The following MCRS1 variants were observed in gnomAD, a reference collection of about 807,000 sequenced individuals.
The protein encoded by MCRS1 is microspherule protein 1.
In MCRS1, 22 loss-of-function variants were observed where a neutral mutation model predicts 62.9. The ratio of observed to expected loss-of-function variants is 0.35; its 90% CI spans 0.25 to 0.50. The LOEUF is 0.50. MCRS1 is among the 20% of genes least tolerant of loss of function. MCRS1 has a pLI of 0.98. For missense variants in MCRS1, 456 were observed against 601.1 expected (o/e 0.76, Z 2.52); for synonymous variants, 244 against 233.5 (o/e 1.04, Z -0.41).
chr12:49,566,635 C>T (rs1378459481), intron 2 of MCRS1, 87 bp downstream of exon 2: 31 of 1,591,634 alleles, frequency 1.9e-5, no homozygotes, highest in African/African-American at 2.7e-5. Flanking sequence ...CTAGCCAGGA[C>T]CGAAAGACAC....
At chr12:49,560,001 C>A in intron 9 of MCRS1, 34 bp from the exon 10 acceptor site, 1 of 1,613,920 alleles carries the variant, frequency 6.2e-7, no homozygotes, top group South Asian at 1.1e-5. Context: ...GATTTAGGTC[C>A]ACCTTCAGCT....
At chr12:49,566,530 C>T (rs1396261614) in intron 2 of MCRS1, 192 bp downstream of exon 2, 14 of 1,501,914 alleles carry the variant, frequency 9.3e-6, no homozygotes, top group East Asian at 7.4e-5. Flanking sequence ...AAAATGCAGC[C>T]GTGCTAAAGA....
chr12:49,560,317 G>C lies in MCRS1; in HGVS notation c.859C>G (p.Leu287Val). 1.2e-6 allele frequency: 2 copies of C among 1,614,232 alleles called. No homozygotes were observed. Among genetic ancestry groups the C allele is most frequent in the Non-Finnish European group, 1.7e-6 (2 of 1,180,024 alleles). ...QVLNFSDAEDLIDDSKLKDMR... is the reference protein window; with the variant it reads ...QVLNFSDAEDVIDDSKLKDMR... ...CACTTGAGCTTACTGTCATCAATCAGGTCCTCTGCATCAGAGAAGTTCAGC... is the reference window on the plus strand; with the variant it reads ...CACTTGAGCTTACTGTCATCAATCACGTCCTCTGCATCAGAGAAGTTCAGC... The change falls in exon 9 of 15, where the codon CTG (leucine) becomes GTG (valine). Residue 287 changes from leucine (L) to valine (V), a missense_variant. Transcript: ENST00000343810.
rs1050200588 is a variant in MCRS1 at position 49,566,887 on chromosome 12, G to A, written c.-110-46C>T. The stretch of plus-strand genomic sequence containing the variant: ...TCCCTGAGGCTCAGATTTCCAACTG[G>A]CCAGCCTCACTTCCTTATACTGGCT... On this transcript the variant is annotated intron_variant, in intron 1 of 14. Transcript: ENST00000343810. 1.8e-5 allele frequency: 18 copies of A among 1,007,642 alleles called. No homozygotes were observed. In the Admixed American group the frequency reaches 3.7e-4, roughly 21 times the overall value. The allele number at this position is 1,007,642 out of a possible 1,614,324, so 62.4% of individuals were successfully genotyped here.
chr12:49,565,471 C>T lies in MCRS1; in HGVS notation c.288+58G>A, dbSNP rs563644243. Reference sequence around the variant, plus strand: ...GGGCTCTTGGCAGCTGGCAAAGGTTCTGGGGAAACATGAAATCTGGCACTA... The same window carrying T: ...GGGCTCTTGGCAGCTGGCAAAGGTTTTGGGGAAACATGAAATCTGGCACTA... On this transcript the variant is annotated intron_variant, in intron 4 of 14. Transcript: ENST00000343810. 59 of 1,544,310 alleles carry T rather than the reference C, an allele frequency of 3.8e-5. No homozygotes were observed. In the African/African-American group the frequency reaches 7.3e-4, roughly 19 times the overall value.
chr12:49,567,294 T>C (rs531998150), intron 1 of MCRS1, among the ~76,000 whole-genome samples: 7 of 152,118 alleles, frequency 4.6e-5, no homozygotes, highest in South Asian at 4.2e-4. Flanking sequence ...CGTTTTTTTT[T>C]TGTTTTTCTT....
rs1592521080 is a variant in MCRS1 at position 49,560,112 on chromosome 12, G to A, written c.882-145C>T. 3 of 1,301,736 alleles carry A rather than the reference G, an allele frequency of 2.3e-6. No individual in the cohort carries two copies. The East Asian group carries it at 6.9e-5, about 30-fold the overall frequency. 80.6% of individuals were successfully genotyped at this position (1,301,736 alleles called of 1,614,324 possible). On this transcript the variant is annotated intron_variant, in intron 9 of 14. Transcript: ENST00000343810. Reference sequence around the variant, plus strand: ...TGGCCCAGCCTCCTTCTCTGGGGTTGGGCTGGGGATAAGGGTAAAGCAGCG... The same window carrying A: ...TGGCCCAGCCTCCTTCTCTGGGGTTAGGCTGGGGATAAGGGTAAAGCAGCG...
At position 49,558,332 on chromosome 12, in the gene MCRS1, G is replaced by T. The variant is rs902221260; in HGVS notation, c.*311C>A. 2.5e-6 allele frequency: 1 copy of T among 404,974 alleles called. No individual in the cohort carries two copies. 25.1% of individuals were successfully genotyped at this position (404,974 alleles called of 1,614,324 possible). ...AACCTGGTGCTTTTTATTTACAAAA[G>T]AAAAACAATAAAAGAAGAGTCTGAG... On this transcript the variant is annotated 3_prime_UTR_variant, in exon 15 of 15. Coordinates refer to ENST00000343810, the MANE Select transcript of MCRS1 (RefSeq NM_006337.5).
Position 49,564,856 on chromosome 12 carries a change from C to T in MCRS1, c.328G>A (p.Ala110Thr). 6.2e-7 allele frequency: 1 copy of T among 1,612,692 alleles called. No homozygotes were observed. The highest frequency in any genetic ancestry group is 8.5e-7 in the Non-Finnish European group (1 of 1,179,128). The change falls in exon 5 of 15, where the codon GCC becomes ACC. Residue 110 changes from alanine (A) to threonine (T), a missense_variant. Physicochemically the swap from Ala to Thr is moderately conservative, Grantham distance 58. This residue lies in a region of MCRS1 where 393 missense variants were observed against 523.5 expected (regional missense o/e 0.75). Coordinates refer to ENST00000343810, the MANE Select transcript of MCRS1 (RefSeq NM_006337.5). Reference sequence around the variant, plus strand: ...CGCTTGGTGAGTCCAGGGGCTGGGGCTGGGCTGGGTGGCACAGGAGTGCTG... The same window carrying T: ...CGCTTGGTGAGTCCAGGGGCTGGGGTTGGGCTGGGTGGCACAGGAGTGCTG... ...APSTPVPPSP[A>T]PAPGLTKRVK... is the part of the protein sequence containing the mutation.
At position 49,564,845 on chromosome 12, in the gene MCRS1, AGGGGCT is replaced by A. The variant is rs1343228430; in HGVS notation, c.333_338del (p.Ala112_Pro113del). Reference sequence around the variant, plus strand: ...TCTTCTTCACACGCTTGGTGAGTCCAGGGGCTGGGGCTGGGCTGGGTGGCACAGGAG... The same window carrying A: ...TCTTCTTCACACGCTTGGTGAGTCCAGGGGCTGGGCTGGGTGGCACAGGAG... On this transcript the variant is annotated inframe_deletion, in exon 5 of 15. Coordinates refer to ENST00000343810, the MANE Select transcript of MCRS1 (RefSeq NM_006337.5). 1.2e-6 allele frequency: 2 copies of A among 1,613,636 alleles called. No individual in the cohort carries two copies. Among genetic ancestry groups the A allele is most frequent in the African/African-American group, 2.7e-5 (2 of 74,886 alleles).
rs1222793402 is a variant in MCRS1 at position 49,558,690 on chromosome 12, G to A, written c.1342C>T (p.Leu448Phe). The change falls in exon 15 of 15, where the codon CTC (leucine) becomes TTC (phenylalanine). Residue 448 changes from leucine (L) to phenylalanine (F), a missense_variant. Leu to Phe is a conservative substitution (Grantham distance 22). Coordinates refer to ENST00000343810, the MANE Select transcript of MCRS1 (RefSeq NM_006337.5). ...GCCTCAGCCCTGATGAGGGCAATGA[G>A]GTCCTGGTTGATAAGGAAGACGAAT... Reference protein sequence around the residue: ...LRFVFLINQDLIALIRAEAAK... With the variant: ...LRFVFLINQDFIALIRAEAAK... 3.1e-6 allele frequency: 5 copies of A among 1,613,934 alleles called. No homozygotes were observed. Among genetic ancestry groups the A allele is most frequent in the African/African-American group, 1.3e-5 (1 of 75,008 alleles).
chr12:49,565,238 ACT>A (rs1455931170), intron 4 of MCRS1: 2 of 985,050 alleles, frequency 2.0e-6, no homozygotes, highest in African/African-American at 1.8e-5. Context: ...TTATTTTTAC[ACT>A]CTGCAATGCT....
rs779632630 is a variant in MCRS1 at position 49,564,816 on chromosome 12, T to C, written c.368A>G (p.Lys123Arg). ...ATCCTTGGTCACCTGAAGTGGCTGT[T>C]TACTCTTCTTCACACGCTTGGTGAG... ...PGLTKRVKKS[K>R]QPLQVTKDLG... The change falls in exon 5 of 15, where the codon AAA (lysine) becomes AGA (arginine). Residue 123 changes from lysine (K) to arginine (R), a missense_variant. Physicochemically the swap from Lys to Arg is conservative, Grantham distance 26 (BLOSUM62 2). This residue lies in a region of MCRS1 where 393 missense variants were observed against 523.5 expected (regional missense o/e 0.75). Transcript: ENST00000343810. The C allele has an allele frequency of 1.9e-6, 3 of 1,614,114 alleles. No individual in the cohort carries two copies. The South Asian group carries it at 3.3e-5, about 18-fold the overall frequency.
At position 49,559,182 on chromosome 12, in the gene MCRS1, T is replaced by G; in HGVS notation, c.1174+32A>C. 6.2e-7 allele frequency: 1 copy of G among 1,605,588 alleles called. No homozygotes were observed. The highest frequency in any genetic ancestry group is 1.1e-5 in the South Asian group (1 of 90,638). The stretch of plus-strand genomic sequence containing the variant: ...GAGGCTGGGAGGGACGACCTCACAC[T>G]GCTTCCTGCTGGGGCAGGGGGTGGG... On this transcript the variant is annotated intron_variant, in intron 13 of 14. Transcript: ENST00000343810. This position sits in a 1 kb window ranked among gnomAD's most constrained non-coding sequence, Gnocchi z 5.2.
chr12:49,559,612 A>T lies in MCRS1; in HGVS notation c.1004-77T>A, dbSNP rs1355502379. ...GGCAGGGAACCAGGGCAAGGTTTAT[A>T]AGGGAAGGGGGTCGGGGCCTGGGAA... On this transcript the variant is annotated intron_variant, in intron 11 of 14. Coordinates refer to ENST00000343810, the MANE Select transcript of MCRS1 (RefSeq NM_006337.5). The surrounding 1 kb of genome is among the most constrained non-coding windows in gnomAD (Gnocchi z 5.2). 5.7e-6 allele frequency: 9 copies of T among 1,592,746 alleles called. No homozygotes were observed. The highest frequency in any genetic ancestry group is 7.7e-6 in the Non-Finnish European group (9 of 1,165,800).
At chr12:49,560,435 A>G in intron 8 of MCRS1, 65 bp from the exon 9 acceptor site, 1 of 1,493,214 alleles carries the variant, frequency 6.7e-7, no homozygotes, top group Non-Finnish European at 9.3e-7. Context: ...TGAGCGGACC[A>G]CTAAGCCAAG....
intron 8 of MCRS1, 139 bp from the exon 9 acceptor site, chr12:49,560,509 T>G (rs1938710708): frequency 6.9e-6 from 5 of 722,838 alleles, no homozygotes; most frequent in Middle Eastern, 6.8e-4. Context: ...CATACCAGAT[T>G]AGGCTGGGCT....
At chr12:49,561,192 T>C (rs1041491880) in intron 8 of MCRS1, among the ~76,000 whole-genome samples, 3 of 152,204 alleles carry the variant, frequency 2.0e-5, no homozygotes, top group African/African-American at 7.2e-5. Flanking sequence ...ACCCTGTCTC[T>C]TAACAAAAAT....
At chr12:49,566,556 C>A in intron 2 of MCRS1, 166 bp downstream of exon 2, 2 of 1,475,376 alleles carry the variant, frequency 1.4e-6, no homozygotes, top group South Asian at 1.2e-5. Context: ...AGCTCAACAG[C>A]AAGTCAGTCA....
Sources: gnomAD v4.1 joint callset for allele counts (sites outside exome capture counted in the v4.1 genomes callset) on GRCh38, gnomAD v4.1.1 for gene constraint, gnomAD v4.1.1 regional missense constraint, Gnocchi (gnomAD v3.1) non-coding constraint, MANE v1.5 for transcripts, NCBI Gene and HGNC (gene_info 2026-07-23, HGNC 2026-07-21) for gene names.